GPR39: variants seen among roughly 807,000 people sequenced by gnomAD.
GPR39 encodes G protein-coupled receptor 39.
A neutral mutation model predicts 18.4 loss-of-function variants in GPR39; 23 were observed. The ratio of observed to expected loss-of-function variants is 1.25; its 90% confidence interval spans 0.90 to 1.77. GPR39 has a LOEUF of 1.77. Among genes scored for constraint, GPR39 ranks in the 40% most tolerant of loss-of-function variants. GPR39 has a pLI of 0.00. For missense variants in GPR39, 647 were observed against 602.4 expected (o/e 1.07, Z -0.78); for synonymous variants, 280 against 257.9 (o/e 1.09, Z -0.82).
rs35108024 is a variant in GPR39, at chr2:132,545,655, C to CGTGTGTGTGT, written c.857-99425_857-99416dup. On this transcript the variant is annotated intron_variant, in intron 1 of 1. Transcript: ENST00000329321. ...CTTATAATCCACGATGTGTGATGGG[C>CGTGTGTGTGT]GTGTGTGTGTGTGTGTGTGTGTGTG... Among the ~76,000 whole-genome samples, 8 of 149,850 alleles carry CGTGTGTGTGT rather than the reference C, an allele frequency of 5.3e-5. No individual in the cohort carries two copies. In the East Asian group the frequency reaches 5.9e-4, roughly 11 times the overall value.
At chr2:132,640,183 C>A (rs1374186304) in intron 1 of GPR39, among the ~76,000 whole-genome samples, 1 of 152,162 alleles carries the variant, frequency 6.6e-6, no homozygotes, top group Non-Finnish European at 1.5e-5. Context: ...GAAAATAGAG[C>A]ATGGTGTCAG....
chr2:132,601,666 T>C (rs1410124561), intron 1 of GPR39, among the ~76,000 whole-genome samples: 2 of 152,102 alleles, frequency 1.3e-5, no homozygotes, highest in African/African-American at 4.8e-5. Context: ...GTCTTACATA[T>C]AGGAAAGCCT....
At chr2:132,580,975 AAAAAAAAAACACC>A (rs1406399093) in intron 1 of GPR39, among the ~76,000 whole-genome samples, 1 of 145,986 alleles carries the variant, frequency 6.8e-6, no homozygotes, top group Admixed American at 6.7e-5. Flanking sequence ...AAAAAAAACA[AAAAAAAAAACACC>A]AAAAAAAAAC....
At chr2:132,495,963 A>T (rs1008861701) in intron 1 of GPR39, among the ~76,000 whole-genome samples, 3 of 152,098 alleles carry the variant, frequency 2.0e-5, no homozygotes, top group Non-Finnish European at 2.9e-5. Context: ...TGAGTTACTC[A>T]TTACTGTCTT....
intron 1 of GPR39, among the ~76,000 whole-genome samples, chr2:132,609,127 G>A (rs1425305652): frequency 6.6e-6 from 1 of 152,236 alleles, no homozygotes; most frequent in Non-Finnish European, 1.5e-5. Context: ...CACGACAGCA[G>A]ATAATAGATT....
intron 1 of GPR39, among the ~76,000 whole-genome samples, chr2:132,433,321 G>A (rs1680255752): frequency 6.6e-6 from 1 of 152,092 alleles, no homozygotes; most frequent in South Asian, 2.1e-4. Flanking sequence ...GTAATTTTTT[G>A]TAGCTACCTC....
chr2:132,524,279 T>A (rs1162468771), intron 1 of GPR39, among the ~76,000 whole-genome samples: 1 of 152,200 alleles, frequency 6.6e-6, no homozygotes, highest in African/African-American at 2.4e-5. Context: ...TCACAATCCA[T>A]CCTTCATGGG....
intron 1 of GPR39, among the ~76,000 whole-genome samples, chr2:132,455,221 T>G (rs541005842): frequency 6.6e-6 from 1 of 152,216 alleles, no homozygotes; most frequent in South Asian, 2.1e-4. Flanking sequence ...AGGGTGTATG[T>G]GTCCAGGAAT....
At chr2:132,556,815 G>C (rs937643259) in intron 1 of GPR39, among the ~76,000 whole-genome samples, 1 of 152,030 alleles carries the variant, frequency 6.6e-6, no homozygotes, top group Non-Finnish European at 1.5e-5. Context: ...CTCCTCAAAG[G>C]CCTCTCTGGC....
intron 1 of GPR39, among the ~76,000 whole-genome samples, chr2:132,623,485 A>T (rs1481919953): frequency 6.6e-6 from 1 of 152,236 alleles, no homozygotes; most frequent in Non-Finnish European, 1.5e-5. Flanking sequence ...CTCAAAAGTC[A>T]GGAATAAAGT....
At chr2:132,489,900 C>G (rs1325115694) in intron 1 of GPR39, among the ~76,000 whole-genome samples, 3 of 151,850 alleles carry the variant, frequency 2.0e-5, no homozygotes, top group Non-Finnish European at 2.9e-5. Flanking sequence ...GAGGCTCAGC[C>G]TAGATTCCCT....
chr2:132,501,811 C>T (rs1679042195), intron 1 of GPR39, among the ~76,000 whole-genome samples: 1 of 152,062 alleles, frequency 6.6e-6, no homozygotes, highest in Non-Finnish European at 1.5e-5. Context: ...TGGATTAGTC[C>T]TTTTACCACT....
chr2:132,422,251 T>A (rs1394676458), intron 1 of GPR39, among the ~76,000 whole-genome samples: 1 of 152,212 alleles, frequency 6.6e-6, no homozygotes, highest in Non-Finnish European at 1.5e-5. Context: ...CTTTCATAAT[T>A]ATCTGGTCTA....
chr2:132,430,229 T>G (rs1036891298), intron 1 of GPR39, among the ~76,000 whole-genome samples: 20 of 152,190 alleles, frequency 1.3e-4, no homozygotes, highest in African/African-American at 4.8e-4. Flanking sequence ...TGTGGAACTA[T>G]TAAAAATGCC....
intron 1 of GPR39, among the ~76,000 whole-genome samples, chr2:132,444,663 C>A (rs1372956169): frequency 2.6e-5 from 4 of 152,168 alleles, no homozygotes; most frequent in African/African-American, 7.2e-5. Context: ...CAGTGTTTGG[C>A]CGCTTCATTT....
chr2:132,511,930 G>A (rs1679248315), intron 1 of GPR39, among the ~76,000 whole-genome samples: 4 of 152,054 alleles, frequency 2.6e-5, no homozygotes, highest in African/African-American at 9.7e-5. Context: ...ATCGAAAAGT[G>A]CACGAACTCA....
At position 132,645,313 on chromosome 2, in the gene GPR39, C is replaced by T. The variant is rs775530665; in HGVS notation, c.1069C>T (p.Gln357Ter). The T allele has an allele frequency of 6.2e-6, 10 of 1,614,096 alleles. No homozygotes were observed. Among genetic ancestry groups the T allele is most frequent in the Admixed American group, 5.0e-5 (3 of 60,000 alleles). ...SSQQFRRVFV[Q>*]VLCCRLSLQH... is the part of the protein sequence containing the mutation. ...GCAGCAGTTTCGGCGGGTGTTCGTG[C>T]AGGTGCTGTGCTGCCGCCTGTCGCT... Residue 357 changes from glutamine (Q) to a stop codon, truncating the protein, a stop_gained, in exon 2 of 2, where the codon CAG (glutamine) becomes TAG (stop). Transcript: ENST00000329321. LOFTEE classifies it low-confidence loss of function (END_TRUNC).
chr2:132,503,151 G>A (rs1356189757), intron 1 of GPR39, among the ~76,000 whole-genome samples: 1 of 152,176 alleles, frequency 6.6e-6, no homozygotes, highest in Non-Finnish European at 1.5e-5. Context: ...AGGTTGTTTT[G>A]TCATATTACC....
intron 1 of GPR39, among the ~76,000 whole-genome samples, chr2:132,466,107 A>G (rs1045948192): frequency 6.6e-6 from 1 of 152,032 alleles, no homozygotes; most frequent in African/African-American, 2.4e-5. Flanking sequence ...TGCTTAGCAT[A>G]CTCTTGAGCT....
Sources: allele counts gnomAD v4.1 joint callset (sites outside exome capture counted in the v4.1 genomes callset), GRCh38; gene constraint gnomAD v4.1.1; transcripts MANE v1.5; gene names NCBI Gene and HGNC (gene_info 2026-07-23, HGNC 2026-07-21).